WDR49: variants seen among roughly 807,000 people sequenced by gnomAD.
WDR49 encodes the protein WD repeat domain 49.
A neutral mutation model predicts 119.5 loss-of-function variants in WDR49; 107 were observed. The ratio of observed to expected loss-of-function variants is 0.90; its 90% CI spans 0.77 to 1.05. The LOEUF (loss-of-function observed/expected upper bound fraction) is 1.05, where lower values mean the gene tolerates loss of function less well. Ranked by LOEUF, WDR49 falls within the 50% of genes least tolerant of loss-of-function variation. The pLI, the probability that WDR49 is intolerant of heterozygous loss-of-function variation, is 0.00. For missense variants in WDR49, 1,240 were observed against 1,220.5 expected (o/e 1.02, Z -0.24); for synonymous variants, 425 against 418.8 (o/e 1.01, Z -0.18).
chr3:167,615,360 T>A (rs1310317553), intron 5 of WDR49, among the ~76,000 whole-genome samples: 1 of 149,576 alleles, frequency 6.7e-6, no homozygotes, highest in East Asian at 2.0e-4. Context: ...GGTCTCAAAC[T>A]CCTAGGCTCA....
At chr3:167,632,736 T>A (rs1010793456) in intron 2 of WDR49, among the ~76,000 whole-genome samples, 1 of 152,050 alleles carries the variant, frequency 6.6e-6, no homozygotes, top group Non-Finnish European at 1.5e-5. Context: ...AATTCTTGCT[T>A]TATCAGTGAC....
intron 5 of WDR49, among the ~76,000 whole-genome samples, chr3:167,611,839 G>T (rs187495018): frequency 6.6e-6 from 1 of 152,190 alleles, no homozygotes; most frequent in Admixed American, 6.5e-5. Flanking sequence ...GATACATAAG[G>T]TAAATATTAT....
chr3:167,622,195 T>TTA (rs1242363721), intron 3 of WDR49, among the ~76,000 whole-genome samples: 1 of 151,984 alleles, frequency 6.6e-6, no homozygotes, highest in Non-Finnish European at 1.5e-5. Context: ...AATTCAACTA[T>TTA]TATATATATG....
At chr3:167,594,819 G>T (rs575289515) in intron 7 of WDR49, among the ~76,000 whole-genome samples, 63 of 149,898 alleles carry the variant, frequency 4.2e-4, no homozygotes, top group Non-Finnish European at 8.3e-4. Context: ...AGACAGGGAT[G>T]CCCTCTCTCA....
At position 167,527,879 on chromosome 3, in the gene WDR49, C is replaced by CA; in HGVS notation, c.2544dup (p.Ala849CysfsTer27). 1 of 1,613,156 alleles carries CA rather than the reference C, an allele frequency of 6.2e-7. No individual in the cohort carries two copies. ...CCAGTCACACAAATACTGCAGTCTG[C>CA]AGAGGAGGAGATAATCAGTAACTGA... On this transcript the variant is annotated frameshift_variant, in exon 15 of 19. Coordinates refer to ENST00000682715, the MANE Select transcript of WDR49 (RefSeq NM_001366157.1). LOFTEE classifies it high-confidence loss of function.
intron 10 of WDR49, among the ~76,000 whole-genome samples, chr3:167,551,079 C>G (rs1044387365): frequency 1.6e-4 from 24 of 151,932 alleles, no homozygotes; most frequent in Admixed American, 7.2e-4. Context: ...TTTGGGACTT[C>G]TTTTTACTGA....
At chr3:167,633,786 C>T (rs537112139) in intron 2 of WDR49, among the ~76,000 whole-genome samples, 5 of 151,518 alleles carry the variant, frequency 3.3e-5, no homozygotes, top group African/African-American at 9.6e-5. Flanking sequence ...TGACACATAA[C>T]ATTTGTATTC....
At chr3:167,585,318 C>A (rs1314775649) in intron 7 of WDR49, among the ~76,000 whole-genome samples, 1 of 151,170 alleles carries the variant, frequency 6.6e-6, no homozygotes, top group East Asian at 1.9e-4. Flanking sequence ...TTATGTAAAG[C>A]CTTTGAGATC....
At chr3:167,603,750 A>C (rs948112683) in intron 6 of WDR49, among the ~76,000 whole-genome samples, 6 of 152,172 alleles carry the variant, frequency 3.9e-5, no homozygotes, top group African/African-American at 1.4e-4. Flanking sequence ...TCCTCAGTTA[A>C]AATAAACTTT....
At chr3:167,578,374 T>A (rs1714355918) in intron 7 of WDR49, among the ~76,000 whole-genome samples, 1 of 152,162 alleles carries the variant, frequency 6.6e-6, no homozygotes, top group Non-Finnish European at 1.5e-5. Flanking sequence ...GATGGCCTTC[T>A]TTTACTCTTT....
At chr3:167,646,753 G>A (rs1718147897) in intron 2 of WDR49, among the ~76,000 whole-genome samples, 1 of 152,154 alleles carries the variant, frequency 6.6e-6, no homozygotes, top group Non-Finnish European at 1.5e-5. Context: ...GTGTACACAT[G>A]CACACATGGG....
At chr3:167,626,639 G>T (rs1717138996) in intron 3 of WDR49, among the ~76,000 whole-genome samples, 1 of 151,972 alleles carries the variant, frequency 6.6e-6, no homozygotes, top group African/African-American at 2.4e-5. Flanking sequence ...AATGAAGCAT[G>T]GCCTCATTGA....
chr3:167,531,504 GT>G (rs1342446900), intron 12 of WDR49, among the ~76,000 whole-genome samples: 4 of 151,972 alleles, frequency 2.6e-5, no homozygotes, highest in Admixed American at 2.6e-4. Context: ...CACTTGCTCT[GT>G]TTTCACTTGA....
At chr3:167,511,774 T>C (rs529980764) in intron 16 of WDR49, among the ~76,000 whole-genome samples, 23 of 152,228 alleles carry the variant, frequency 1.5e-4, no homozygotes, top group African/African-American at 5.1e-4. Flanking sequence ...CCCCTGCCGG[T>C]GTTGGGGAGA....
At chr3:167,621,890 T>A (rs76266777) in intron 3 of WDR49, among the ~76,000 whole-genome samples, 1,722 of 152,152 alleles carry the variant, frequency 0.011, 33 homozygotes, top group East Asian at 0.097. Flanking sequence ...TTCCACACAG[T>A]CACCAACATC....
intron 10 of WDR49, among the ~76,000 whole-genome samples, chr3:167,541,694 T>C (rs146019591): frequency 1.8e-3 from 276 of 152,116 alleles, no homozygotes; most frequent in African/African-American, 6.5e-3. Flanking sequence ...AAACAGTACC[T>C]CACGTCTCAA....
chr3:167,618,537 G>T (rs936751534), intron 5 of WDR49, among the ~76,000 whole-genome samples: 1 of 152,016 alleles, frequency 6.6e-6, no homozygotes, highest in African/African-American at 2.4e-5. Context: ...TTTATTCAAA[G>T]AACTGAGAAA....
rs755955597 is a variant in WDR49, at chr3:167,536,908, A to T, written c.1916T>A (p.Leu639Ter). 7.1e-6 allele frequency: 11 copies of T among 1,545,974 alleles called. No homozygotes were observed. The highest frequency in any genetic ancestry group is 5.2e-6 in the Non-Finnish European group (6 of 1,147,076). The part of the protein sequence containing the change: ...KGGIQHHDDI[L>*]CAAFLPPQTL... ...TTGTGGAGGTAAAAACGCAGCACAC[A>T]AGATGTCATCATGGTGCTGTATACC... Residue 639 changes from leucine to a stop codon, truncating the protein, a stop_gained, in exon 11 of 19, where the codon TTG becomes TAG. Transcript: ENST00000682715. LOFTEE classifies it high-confidence loss of function.
At chr3:167,574,981 G>A (rs953312389) in intron 8 of WDR49, 6 of 805,082 alleles carry the variant, frequency 7.5e-6, no homozygotes, top group African/African-American at 1.9e-5. Flanking sequence ...ATAGTGACAC[G>A]ACACACTACC....
Sources: gnomAD v4.1 joint callset for allele counts (sites outside exome capture counted in the v4.1 genomes callset) on GRCh38, gnomAD v4.1.1 for gene constraint, MANE v1.5 for transcripts, NCBI Gene and HGNC (gene_info 2026-07-23, HGNC 2026-07-21) for gene names.